RNF121: variants seen among roughly 807,000 people sequenced by gnomAD.
RNF121 encodes the protein ring finger protein 121.
In RNF121, 21 loss-of-function variants were observed where a neutral mutation model predicts 46.5. That is an observed-to-expected ratio of 0.45 (90% CI 0.32 to 0.65). The LOEUF (loss-of-function observed/expected upper bound fraction) is 0.65, where lower values mean the gene tolerates loss of function less well. Ranked by LOEUF, RNF121 falls within the 30% of genes least tolerant of loss-of-function variation. The pLI is 0.04. For synonymous variants in RNF121, 139 were observed against 144.7 expected (o/e 0.96, Z 0.28); for missense variants, 346 against 416.0 (o/e 0.83, Z 1.46).
At chr11:71,981,052 T>C (rs555782266) in intron 3 of RNF121, among the ~76,000 whole-genome samples, 1 of 152,134 alleles carries the variant, frequency 6.6e-6, no homozygotes, top group Non-Finnish European at 1.5e-5. Context: ...AGTAAATACT[T>C]TCTTTTTTTT....
At chr11:71,949,208 A>G (rs1953803397) in intron 1 of RNF121, among the ~76,000 whole-genome samples, 1 of 152,118 alleles carries the variant, frequency 6.6e-6, no homozygotes, top group Non-Finnish European at 1.5e-5. Flanking sequence ...ACTTGAGCCC[A>G]GAAGTTCAAG....
intron 1 of RNF121, among the ~76,000 whole-genome samples, chr11:71,935,853 T>C (rs1006230095): frequency 4.1e-5 from 6 of 145,564 alleles, no homozygotes; most frequent in East Asian, 3.9e-4. Context: ...TTTCTTTTTT[T>C]TTTTTTTTTT....
chr11:71,956,319 G>A (rs1953990713), intron 1 of RNF121, among the ~76,000 whole-genome samples: 1 of 152,102 alleles, frequency 6.6e-6, no homozygotes. Context: ...TGAGACTTGG[G>A]TATGCTTCTG....
intron 3 of RNF121, among the ~76,000 whole-genome samples, chr11:71,972,840 A>G (rs1020025686): frequency 2.0e-5 from 3 of 152,152 alleles, no homozygotes; most frequent in Non-Finnish European, 4.4e-5. Context: ...GAGAAGTATC[A>G]CATTACTGTC....
chr11:71,952,179 C>T (rs186889174), intron 1 of RNF121, among the ~76,000 whole-genome samples: 221 of 152,152 alleles, frequency 1.5e-3, no homozygotes, highest in African/African-American at 4.9e-3. Flanking sequence ...AGTGGATGAA[C>T]CTTGAAAGAA....
intron 1 of RNF121, among the ~76,000 whole-genome samples, chr11:71,942,825 T>C (rs111576125): frequency 0.033 from 3,905 of 120,138 alleles, 50 homozygotes; most frequent in Middle Eastern, 0.073. Flanking sequence ...CACACACACA[T>C]ATATATGTAT....
At chr11:71,973,623 CTAA>C (rs1954465627) in intron 3 of RNF121, among the ~76,000 whole-genome samples, 1 of 151,998 alleles carries the variant, frequency 6.6e-6, no homozygotes, top group African/African-American at 2.4e-5. Context: ...CCCGTCTCTA[CTAA>C]TAATACAAAA....
intron 1 of RNF121, among the ~76,000 whole-genome samples, chr11:71,935,152 C>T (rs542428083): frequency 7.7e-4 from 117 of 152,202 alleles, no homozygotes; most frequent in African/African-American, 2.6e-3. Context: ...AGACTGGTCT[C>T]GAACTCCTGG....
In RNF121 at chr11:71,929,085, G is replaced by T; in HGVS notation, c.24G>T (p.Glu8Asp). The T allele has an allele frequency of 6.4e-7, 1 of 1,551,672 alleles. No individual in the cohort carries two copies. Among genetic ancestry groups the T allele is most frequent in the Non-Finnish European group, 8.7e-7 (1 of 1,147,060 alleles). Residue 8 changes from glutamate (E) to aspartate (D), a missense_variant, in exon 1 of 9, where the codon GAG becomes GAT. Transcript: ENST00000361756. ...AGATGGCGGCAGTGGTGGAGGTGGAGGTTGGAGGTGGTGCTGCTGGGGAAC... is the reference window on the plus strand; with the variant it reads ...AGATGGCGGCAGTGGTGGAGGTGGATGTTGGAGGTGGTGCTGCTGGGGAAC... MAAVVEV[E>D]VGGGAAGERE...
intron 1 of RNF121, among the ~76,000 whole-genome samples, chr11:71,947,515 G>A (rs1367418420): frequency 6.6e-6 from 1 of 151,584 alleles, no homozygotes; most frequent in Non-Finnish European, 1.5e-5. Flanking sequence ...CAGTGAAGGA[G>A]TGAAGGTGAG....
At chr11:71,946,246 ATG>A (rs1389668887) in intron 1 of RNF121, among the ~76,000 whole-genome samples, 2 of 152,238 alleles carry the variant, frequency 1.3e-5, no homozygotes, top group African/African-American at 2.4e-5. Flanking sequence ...GATAAATAAA[ATG>A]TGTCTGCCTA....
chr11:71,965,101 T>C (rs1290238316), intron 3 of RNF121, among the ~76,000 whole-genome samples: 2 of 152,196 alleles, frequency 1.3e-5, no homozygotes, highest in African/African-American at 2.4e-5. Flanking sequence ...CAATTTGTTA[T>C]AGATAGGAAA....
chr11:71,982,259 C>T (rs920307984), intron 3 of RNF121, among the ~76,000 whole-genome samples: 27 of 139,124 alleles, frequency 1.9e-4, no homozygotes, highest in Admixed American at 1.6e-3. Flanking sequence ...TCGCTTAAAC[C>T]TGGGAGGCAG....
chr11:71,995,479 G>A lies in RNF121; in HGVS notation c.791G>A (p.Cys264Tyr). 4 of 1,590,490 alleles carry A rather than the reference G, an allele frequency of 2.5e-6. No homozygotes were observed. The highest frequency in any genetic ancestry group is 3.4e-6 in the Non-Finnish European group (4 of 1,166,732). Reference protein sequence around the residue: ...VFHEFCIRGWCIVGKKQTCPY... With the variant: ...VFHEFCIRGWYIVGKKQTCPY... The stretch of plus-strand genomic sequence containing the variant: ...CACGAGTTCTGCATCCGTGGCTGGT[G>A]CATCGTGGGAAAGAAGCAAACGTGT... Residue 264 changes from cysteine to tyrosine, a missense_variant, in exon 8 of 9, where the codon TGC (cysteine) becomes TAC (tyrosine). Cys to Tyr is a radical substitution (Grantham distance 194). Around this residue, in one of 2 missense-constraint regions of RNF121, gnomAD observed 286 missense variants for 383.8 expected, o/e 0.75. Transcript: ENST00000361756.
chr11:71,966,612 G>A (rs1954283580), intron 3 of RNF121, among the ~76,000 whole-genome samples: 2 of 151,612 alleles, frequency 1.3e-5, no homozygotes, highest in Non-Finnish European at 2.9e-5. Context: ...CTCCCAAGTA[G>A]CTAGGACTAC....
chr11:71,969,127 T>TCTGC, intron 3 of RNF121, among the ~76,000 whole-genome samples: 1 of 152,172 alleles, frequency 6.6e-6, no homozygotes, highest in African/African-American at 2.4e-5. Context: ...CCTCAGGTGA[T>TCTGC]CCACCTGCCT....
chr11:71,967,620 A>G (rs1277361208), intron 3 of RNF121, among the ~76,000 whole-genome samples: 1 of 151,878 alleles, frequency 6.6e-6, no homozygotes, highest in Non-Finnish European at 1.5e-5. Context: ...ACGTGGTTTC[A>G]CCATGTTGGC....
chr11:71,955,620 A>G (rs1328953902), intron 1 of RNF121, among the ~76,000 whole-genome samples: 1 of 152,196 alleles, frequency 6.6e-6, no homozygotes, highest in East Asian at 1.9e-4. Context: ...TTGTAAGTAC[A>G]AGGAAGGGTA....
intron 3 of RNF121, among the ~76,000 whole-genome samples, chr11:71,971,785 T>C (rs1467443509): frequency 1.3e-5 from 2 of 152,236 alleles, no homozygotes; most frequent in Admixed American, 1.3e-4. Context: ...GTGCCAAGTG[T>C]TGGCAAGGAT....
Sources: allele counts gnomAD v4.1 joint callset (sites outside exome capture counted in the v4.1 genomes callset), GRCh38; gene constraint gnomAD v4.1.1; regional missense constraint gnomAD v4.1.1; transcripts MANE v1.5; gene names NCBI Gene and HGNC (gene_info 2026-07-23, HGNC 2026-07-21).